Variants in ADAMTS18 observed in about 807,000 individuals in gnomAD.
ADAMTS18 encodes ADAM metallopeptidase with thrombospondin type 1 motif 18.
In ADAMTS18, 157 loss-of-function variants were observed where a neutral mutation model predicts 165.9. The ratio of observed to expected loss-of-function variants is 0.95; its 90% CI spans 0.83 to 1.08. The LOEUF is 1.08. Among genes scored for constraint, ADAMTS18 ranks in the 50% least tolerant of loss-of-function variants. ADAMTS18 has a pLI of 0.00. For missense variants in ADAMTS18, 2,040 were observed against 1,534.0 expected (o/e 1.33, Z -5.51); for synonymous variants, 782 against 578.2 (o/e 1.35, Z -5.06).
intron 13 of ADAMTS18, among the ~76,000 whole-genome samples, chr16:77,324,216 G>A (rs1417618948): frequency 6.6e-6 from 1 of 152,170 alleles, no homozygotes; most frequent in Admixed American, 6.5e-5. Flanking sequence ...AAGAACCACA[G>A]GTAGGAAGCA....
At chr16:77,306,171 G>A (rs2055678338) in intron 16 of ADAMTS18, among the ~76,000 whole-genome samples, 1 of 152,162 alleles carries the variant, frequency 6.6e-6, no homozygotes, top group South Asian at 2.1e-4. Context: ...CCAGCCAACT[G>A]GCATGGAGTC....
At chr16:77,343,321 G>T (rs140602356) in intron 10 of ADAMTS18, among the ~76,000 whole-genome samples, 50 of 152,248 alleles carry the variant, frequency 3.3e-4, no homozygotes, top group African/African-American at 1.2e-3. Context: ...TGATCTGCCC[G>T]CCTTGGCCTC....
At chr16:77,327,502 C>T (rs2056115710) in intron 12 of ADAMTS18, among the ~76,000 whole-genome samples, 1 of 152,152 alleles carries the variant, frequency 6.6e-6, no homozygotes, top group African/African-American at 2.4e-5. Flanking sequence ...AGCCCAAATG[C>T]CCATCAATCA....
At chr16:77,322,723 T>C (rs1208287555) in intron 13 of ADAMTS18, among the ~76,000 whole-genome samples, 4 of 152,154 alleles carry the variant, frequency 2.6e-5, no homozygotes, top group African/African-American at 2.4e-5. Flanking sequence ...ACCATACACA[T>C]GATCGATGGG....
intron 3 of ADAMTS18, among the ~76,000 whole-genome samples, chr16:77,395,562 C>T (rs1004242930): frequency 4.6e-5 from 7 of 152,178 alleles, no homozygotes; most frequent in Admixed American, 2.6e-4. Flanking sequence ...AGCATAACTT[C>T]ATAGCACTAT....
rs4548892 is a variant in ADAMTS18, at chr16:77,359,549, G to C, written c.1217-126C>G. On this transcript the variant is annotated intron_variant, in intron 7 of 22. Coordinates refer to ENST00000282849, the MANE Select transcript of ADAMTS18 (RefSeq NM_199355.4). The stretch of plus-strand genomic sequence containing the variant: ...TAGATCAATGCATTCAGTGTTTTTG[G>C]AAAAAAAAAAAAAAAAAGATCTATA... 252 of 302,216 alleles carry C rather than the reference G, an allele frequency of 8.3e-4. 15 individuals carry two copies. The highest frequency in any genetic ancestry group is 3.1e-3 in the South Asian group (78 of 25,186). 18.7% of individuals were successfully genotyped at this position (302,216 alleles called of 1,614,324 possible). A position where few individuals can be genotyped will look rare whatever the true frequency, so the allele number is the denominator to read the frequency against.
intron 3 of ADAMTS18, among the ~76,000 whole-genome samples, chr16:77,373,682 C>T (rs1427353765): frequency 6.6e-6 from 1 of 151,948 alleles, no homozygotes; most frequent in Non-Finnish European, 1.5e-5. Context: ...ACTTATGTAA[C>T]CAAACACCAT....
At chr16:77,344,675 G>A (rs1469423613) in intron 10 of ADAMTS18, among the ~76,000 whole-genome samples, 6 of 151,992 alleles carry the variant, frequency 3.9e-5, no homozygotes, top group South Asian at 2.1e-4. Context: ...GCTAGCTGTC[G>A]TAGCCAATGC....
intron 3 of ADAMTS18, among the ~76,000 whole-genome samples, chr16:77,420,773 C>T (rs578052993): frequency 6.6e-5 from 10 of 152,218 alleles, no homozygotes; most frequent in Non-Finnish European, 8.8e-5. Flanking sequence ...GCATAAAACA[C>T]GTAGACTCAA....
intron 3 of ADAMTS18, among the ~76,000 whole-genome samples, chr16:77,373,067 T>G (rs1396455485): frequency 6.6e-6 from 1 of 152,196 alleles, no homozygotes; most frequent in African/African-American, 2.4e-5. Context: ...CTAAATGGCA[T>G]TTTCACACAT....
intron 3 of ADAMTS18, among the ~76,000 whole-genome samples, chr16:77,378,373 T>G (rs994695663): frequency 5.3e-5 from 8 of 151,394 alleles, no homozygotes; most frequent in South Asian, 4.2e-4. Context: ...AACCAAGCCC[T>G]TTACTTAGAT....
At chr16:77,389,673 G>A (rs1406680637) in intron 3 of ADAMTS18, among the ~76,000 whole-genome samples, 1 of 152,248 alleles carries the variant, frequency 6.6e-6, no homozygotes, top group East Asian at 1.9e-4. Context: ...TCTTCGAAAG[G>A]TCTCTTAGAA....
chr16:77,286,948 G>T (rs192021293), intron 22 of ADAMTS18, among the ~76,000 whole-genome samples: 1 of 152,146 alleles, frequency 6.6e-6, no homozygotes, highest in Admixed American at 6.5e-5. Context: ...CCCAGATAAG[G>T]CATCACACAC....
At chr16:77,313,236 T>A (rs757994957) in intron 16 of ADAMTS18, among the ~76,000 whole-genome samples, 1 of 151,966 alleles carries the variant, frequency 6.6e-6, no homozygotes, top group Non-Finnish European at 1.5e-5. Flanking sequence ...TAGGTGGGAA[T>A]TGAACAATGA....
chr16:77,415,182 T>C (rs896349668), intron 3 of ADAMTS18, among the ~76,000 whole-genome samples: 13 of 152,262 alleles, frequency 8.5e-5, no homozygotes, highest in Non-Finnish European at 1.0e-4. Context: ...AAATTGCCCA[T>C]TGCGTCTACC....
chr16:77,297,931 T>G (rs1215960630), intron 17 of ADAMTS18, among the ~76,000 whole-genome samples: 2 of 139,502 alleles, frequency 1.4e-5, no homozygotes, highest in African/African-American at 5.4e-5. Flanking sequence ...TTTTTTTTTT[T>G]TTTTTTTTTT....
intron 3 of ADAMTS18, among the ~76,000 whole-genome samples, chr16:77,407,935 A>C (rs761823152): frequency 1.3e-5 from 2 of 152,114 alleles, no homozygotes; most frequent in Non-Finnish European, 2.9e-5. Flanking sequence ...AAAATTTAAA[A>C]AGTGATTCAT....
intron 3 of ADAMTS18, among the ~76,000 whole-genome samples, chr16:77,417,689 G>T (rs574941197): frequency 3.3e-5 from 5 of 152,272 alleles, no homozygotes; most frequent in Admixed American, 6.5e-5. Flanking sequence ...GTGCCATGCT[G>T]GTGCGCTGCA....
At chr16:77,314,759 TATATATATATATATATATATATATATAAA>T (rs1423278596) in intron 16 of ADAMTS18, among the ~76,000 whole-genome samples, 1 of 69,262 alleles carries the variant, frequency 1.4e-5, no homozygotes, top group Non-Finnish European at 2.9e-5. Context: ...GTTTCATATA[TATATATATATATATATATATATATATAAA>T]ATATATGTGA....
Sources: gnomAD v4.1 joint callset for allele counts (sites outside exome capture counted in the v4.1 genomes callset) on GRCh38, gnomAD v4.1.1 for gene constraint, MANE v1.5 for transcripts, NCBI Gene and HGNC (gene_info 2026-07-23, HGNC 2026-07-21) for gene names.